The following GALNT13 variants were observed in gnomAD, a reference collection of about 807,000 sequenced individuals.
The protein encoded by GALNT13 is UDP-GalNAc:polypeptide N-acetylgalactosaminyltransferase 13.
A neutral mutation model predicts 64.2 loss-of-function variants in GALNT13; 28 were observed. The ratio of observed to expected loss-of-function variants is 0.44; its 90% CI spans 0.32 to 0.60. The LOEUF is 0.60. Ranked by LOEUF, GALNT13 falls within the 20% of genes least tolerant of loss-of-function variation. GALNT13 has a pLI of 0.05. For synonymous variants in GALNT13, 214 were observed against 224.6 expected (o/e 0.95, Z 0.42); for missense variants, 577 against 669.8 (o/e 0.86, Z 1.53).
At chr2:153,417,851 C>A in the GALNT13 span, among the ~76,000 whole-genome samples, 1 of 152,040 alleles carries the variant, frequency 6.6e-6, no homozygotes, top group Non-Finnish European at 1.5e-5. Flanking sequence ...ATACTTGGAA[C>A]TTAAAAGCCA....
chr2:153,675,582 ATACC>A, the GALNT13 span, among the ~76,000 whole-genome samples: 1 of 152,168 alleles, frequency 6.6e-6, no homozygotes, highest in African/African-American at 2.4e-5. Flanking sequence ...GTTAGGAGAA[ATACC>A]TAATGTAAAT....
chr2:153,871,752 A>C (rs578097921), upstream of GALNT13, among the ~76,000 whole-genome samples: 1,522 of 152,194 alleles, frequency 0.01, 14 homozygotes, highest in Non-Finnish European at 0.015. Flanking sequence ...CAGCCCGGGG[A>C]GGAGCGGGAG....
chr2:153,280,785 T>A, the GALNT13 span, among the ~76,000 whole-genome samples: 1 of 152,224 alleles, frequency 6.6e-6, no homozygotes, highest in Non-Finnish European at 1.5e-5. Context: ...TAGCCAAACA[T>A]GTGGTCACTC....
the GALNT13 span, among the ~76,000 whole-genome samples, chr2:153,524,357 A>C: frequency 6.6e-6 from 1 of 150,960 alleles, no homozygotes; most frequent in African/African-American, 2.4e-5. Context: ...AAGATGGCAG[A>C]ATAGAAGGCT....
chr2:153,629,351 A>G, the GALNT13 span, among the ~76,000 whole-genome samples: 13 of 151,892 alleles, frequency 8.6e-5, no homozygotes, highest in African/African-American at 3.1e-4. Context: ...CCACATATCT[A>G]CAACTATCTG....
At chr2:153,811,018 T>G in the GALNT13 span, among the ~76,000 whole-genome samples, 3 of 152,298 alleles carry the variant, frequency 2.0e-5, no homozygotes, top group Admixed American at 6.5e-5. Context: ...ATCAGTAAAA[T>G]GCAGATAATG....
the GALNT13 span, among the ~76,000 whole-genome samples, chr2:153,373,422 C>T: frequency 6.6e-6 from 1 of 152,092 alleles, no homozygotes; most frequent in East Asian, 1.9e-4. Context: ...ATCACAGTAT[C>T]AAATATAATT....
chr2:153,541,292 T>C, the GALNT13 span, among the ~76,000 whole-genome samples: 1 of 152,184 alleles, frequency 6.6e-6, no homozygotes, highest in Non-Finnish European at 1.5e-5. Flanking sequence ...CTTCCTCTTC[T>C]GCCATGATTG....
At chr2:153,967,142 T>C (rs1424850425) in intron 3 of GALNT13, among the ~76,000 whole-genome samples, 1 of 152,208 alleles carries the variant, frequency 6.6e-6, no homozygotes, top group Non-Finnish European at 1.5e-5. Flanking sequence ...CTGTGTTATC[T>C]TGAAATTTGC....
intron 3 of GALNT13, among the ~76,000 whole-genome samples, chr2:153,946,159 T>A (rs1434657094): frequency 6.6e-6 from 1 of 152,114 alleles, no homozygotes; most frequent in Non-Finnish European, 1.5e-5. Flanking sequence ...TTTTGATGGA[T>A]TACATCAGTT....
intron 3 of GALNT13, among the ~76,000 whole-genome samples, chr2:154,043,704 G>C: frequency 6.6e-6 from 1 of 151,980 alleles, no homozygotes; most frequent in Admixed American, 6.6e-5. Flanking sequence ...GAGACACAAG[G>C]TCTAGTACTA....
rs192008814 is a variant in GALNT13 at position 154,304,952 on chromosome 2, G to T, written c.1156+3363G>T. Among the ~76,000 whole-genome samples the T allele has an allele frequency of 2.7e-4, 41 of 152,196 alleles. No homozygotes were observed. In the East Asian group the frequency reaches 7.5e-3, roughly 28 times the overall value. Reference sequence around the variant, plus strand: ...TGTAGAATCCACCAGCAATAGTGTGGGCAGAGGGAGGAAACCCCAAACCTG... The same window carrying T: ...TGTAGAATCCACCAGCAATAGTGTGTGCAGAGGGAGGAAACCCCAAACCTG... On this transcript the variant is annotated intron_variant, in intron 9 of 12. Coordinates refer to ENST00000392825, the MANE Select transcript of GALNT13 (RefSeq NM_052917.4).
At chr2:153,414,080 T>C in the GALNT13 span, among the ~76,000 whole-genome samples, 2 of 152,178 alleles carry the variant, frequency 1.3e-5, no homozygotes, top group African/African-American at 4.8e-5. Context: ...TTCTTTGTTT[T>C]ATTTAAAAAT....
the GALNT13 span, among the ~76,000 whole-genome samples, chr2:153,140,554 G>C: frequency 6.6e-6 from 1 of 152,036 alleles, no homozygotes; most frequent in Non-Finnish European, 1.5e-5. Flanking sequence ...CTTATGGCTT[G>C]AGTCTAGGTT....
At chr2:154,300,802 G>A (rs1177063389) in intron 8 of GALNT13, among the ~76,000 whole-genome samples, 4 of 152,192 alleles carry the variant, frequency 2.6e-5, no homozygotes, top group African/African-American at 4.8e-5. Context: ...ATTGTAATCA[G>A]TCCTAAAAGC....
the GALNT13 span, among the ~76,000 whole-genome samples, chr2:153,309,244 G>C: frequency 6.6e-6 from 1 of 152,128 alleles, no homozygotes; most frequent in Non-Finnish European, 1.5e-5. Context: ...CTAAGACTCT[G>C]AGTAGGAAGT....
At chr2:153,585,309 A>G in the GALNT13 span, among the ~76,000 whole-genome samples, 1 of 152,152 alleles carries the variant, frequency 6.6e-6, no homozygotes, top group African/African-American at 2.4e-5. Flanking sequence ...TCAACAACGG[A>G]TTTGACCAAG....
chr2:153,869,002 T>C (rs1368369335), upstream of GALNT13, among the ~76,000 whole-genome samples: 1 of 152,192 alleles, frequency 6.6e-6, no homozygotes, highest in African/African-American at 2.4e-5. Flanking sequence ...CTTCAAGAAA[T>C]ATTGCAAAAT....
chr2:154,160,141 T>A (rs551252804), intron 4 of GALNT13, among the ~76,000 whole-genome samples: 4 of 152,318 alleles, frequency 2.6e-5, no homozygotes, highest in African/African-American at 9.6e-5. Flanking sequence ...TCAGCTATTT[T>A]AAAAGTCTCA....
Sources: gnomAD v4.1 joint callset for allele counts (sites outside exome capture counted in the v4.1 genomes callset) on GRCh38, gnomAD v4.1.1 for gene constraint, MANE v1.5 for transcripts, NCBI Gene and HGNC (gene_info 2026-07-23, HGNC 2026-07-21) for gene names.